The following TRMO variants were observed in gnomAD, a reference collection of about 807,000 sequenced individuals.
TRMO encodes tRNA methyltransferase O, also known as tRNA (adenine(37)-N6)-methyltransferase.
TRMO carries 30 observed loss-of-function variants against 37.2 expected under a neutral mutation model. The ratio of observed to expected loss-of-function variants is 0.81; its 90% CI spans 0.60 to 1.09. The LOEUF (loss-of-function observed/expected upper bound fraction) is 1.09. Among genes scored for constraint, TRMO ranks in the 50% least tolerant of loss-of-function variants. The probability of loss-of-function intolerance (pLI) is 0.00; values close to 1 mark genes in which losing one functional copy is unlikely to be tolerated. For synonymous variants in TRMO, 239 were observed against 199.4 expected (o/e 1.20, Z -1.67); for missense variants, 552 against 549.5 (o/e 1.00, Z -0.05).
At chr9:97,899,134 G>T in the TRMO span, among the ~76,000 whole-genome samples, 1 of 151,924 alleles carries the variant, frequency 6.6e-6, no homozygotes, top group South Asian at 2.1e-4. Flanking sequence ...CACCGCACCC[G>T]GCCTATTTTC....
At chr9:97,908,411 CAAA>C (rs34633871) in intron 4 of TRMO, among the ~76,000 whole-genome samples, 3 of 98,796 alleles carry the variant, frequency 3.0e-5, no homozygotes, top group Non-Finnish European at 4.0e-5. Flanking sequence ...GACTCCGTCT[CAAA>C]AAAAAAAAAA....
chr9:97,910,289 A>C lies in TRMO; in HGVS notation c.737T>G (p.Met246Arg), dbSNP rs1826053655. 1.2e-6 allele frequency: 2 copies of C among 1,614,224 alleles called. No individual in the cohort carries two copies. The highest frequency in any genetic ancestry group is 1.7e-6 in the Non-Finnish European group (2 of 1,180,036). Residue 246 changes from methionine (M) to arginine (R), a missense_variant, in exon 4 of 5, where the codon ATG becomes AGG. By Grantham distance (91) the Met-to-Arg change is moderately conservative. Coordinates refer to ENST00000375119, the MANE Select transcript of TRMO (RefSeq NM_016481.5). The part of the protein sequence containing the change: ...DTARIQQAFP[M>R]HREIAVDFGL... ...AAAATCCACTGCTATCTCCCTGTGCATAGGAAATGCTTGCTGAATTCTGGC... is the reference window on the plus strand; with the variant it reads ...AAAATCCACTGCTATCTCCCTGTGCCTAGGAAATGCTTGCTGAATTCTGGC...
At chr9:97,903,343 A>G (rs1825725658), downstream of TRMO, among the ~76,000 whole-genome samples, 1 of 152,242 alleles carries the variant, frequency 6.6e-6, no homozygotes, top group Admixed American at 6.5e-5. Flanking sequence ...AAAGGCAATT[A>G]CAAATCAGTT....
chr9:97,912,506 A>G (rs1383145131), intron 3 of TRMO: 3 of 154,430 alleles, frequency 1.9e-5, no homozygotes, highest in African/African-American at 7.2e-5. Flanking sequence ...TTTCTGAGAA[A>G]ACTACCTAAG....
At chr9:97,907,943 C>A (rs1825926546) in intron 4 of TRMO, among the ~76,000 whole-genome samples, 1 of 152,120 alleles carries the variant, frequency 6.6e-6, no homozygotes, top group Non-Finnish European at 1.5e-5. Flanking sequence ...GACCTTTGCT[C>A]ATATGTGTCT....
rs1825774025 is a variant in TRMO, at chr9:97,904,566, T to C, written c.*167A>G. The C allele has an allele frequency of 6.9e-7, 1 of 1,455,354 alleles. No homozygotes were observed. The highest frequency in any genetic ancestry group is 2.5e-5 in the Admixed American group (1 of 39,386). 90.2% of individuals were successfully genotyped at this position (1,455,354 alleles called of 1,614,324 possible). Reference sequence around the variant, plus strand: ...CTGTATTTTATATCTCTTTGTTAAGTTTATTAATGTATACGTTTTTCAAAT... The same window carrying C: ...CTGTATTTTATATCTCTTTGTTAAGCTTATTAATGTATACGTTTTTCAAAT... On this transcript the variant is annotated 3_prime_UTR_variant, in exon 5 of 5. Coordinates refer to ENST00000375119, the MANE Select transcript of TRMO (RefSeq NM_016481.5).
intron 3 of TRMO, 59 bp downstream of exon 3, chr9:97,913,342 T>C: frequency 6.2e-7 from 1 of 1,607,144 alleles, no homozygotes; most frequent in Non-Finnish European, 8.5e-7. Flanking sequence ...GAATGCTGTT[T>C]ATTTTATAAG....
chr9:97,910,865 C>T (rs1486422114), intron 3 of TRMO: 1 of 587,186 alleles, frequency 1.7e-6, no homozygotes, highest in Non-Finnish European at 3.1e-6. Flanking sequence ...TCTGGCTCCT[C>T]CAGACAAAAG....
At chr9:97,897,400 G>T in the TRMO span, among the ~76,000 whole-genome samples, 569 of 152,316 alleles carry the variant, frequency 3.7e-3, 2 homozygotes, top group Non-Finnish European at 5.9e-3. Context: ...TCTCTGTCAT[G>T]TCTTCTTCTC....
At chr9:97,905,121 T>C (rs1244659050) in intron 4 of TRMO, 129 bp from the exon 5 acceptor site, 6 of 1,004,628 alleles carry the variant, frequency 6.0e-6, no homozygotes, top group Non-Finnish European at 8.9e-6. Flanking sequence ...GGAAAACTAT[T>C]TGATCATTAC....
Position 97,916,223 on chromosome 9 carries a change from C to T in TRMO, c.192G>A (p.Lys64=). Residue 64 remains lysine (K), a synonymous_variant, in exon 2 of 5, where the codon AAG becomes AAA. Transcript: ENST00000375119. The part of the protein sequence containing the change: ...SYSRACLRIR[K]RIFNNPEHSL... ...AATGTTCAGGATTATTAAAGATCCT[C>T]TTTCTAATCCTCAAACAGGCTCGAG... 6.2e-7 allele frequency: 1 copy of T among 1,613,404 alleles called. No homozygotes were observed. The highest frequency in any genetic ancestry group is 8.5e-7 in the Non-Finnish European group (1 of 1,179,450).
chr9:97,922,279 T>C (rs1826687422), intron 1 of TRMO, 139 bp downstream of exon 1: 1 of 644,832 alleles, frequency 1.6e-6, no homozygotes, highest in Admixed American at 2.7e-5. Flanking sequence ...CCGCAGCACG[T>C]GACCCGTGCC....
rs555924368 is a variant in TRMO at position 97,916,705 on chromosome 9, CT to C, written c.77-368del. 1.5e-3 allele frequency among the ~76,000 whole-genome samples: 186 copies of C among 124,598 alleles called. 1 individual carries two copies. Among genetic ancestry groups the C allele is most frequent in the East Asian group, 7.8e-3 (35 of 4,514 alleles). The allele number at this position is 124,598 out of a possible 152,430, so 81.7% of individuals were successfully genotyped here. ...GCCAGGGCTATGAGCGTATTTCTTT[CT>C]TTTTTTTTTTTTTTTTTGAGATGGA... On this transcript the variant is annotated intron_variant, in intron 1 of 4. Coordinates refer to ENST00000375119, the MANE Select transcript of TRMO (RefSeq NM_016481.5).
downstream of TRMO, among the ~76,000 whole-genome samples, chr9:97,902,232 G>A (rs1368424161): frequency 1.3e-5 from 2 of 152,326 alleles, no homozygotes; most frequent in East Asian, 3.9e-4. Context: ...GCCAGATAGT[G>A]GGAACATTGA....
Position 97,913,494 on chromosome 9 carries a change from G to C in TRMO, c.316C>G (p.Leu106Val), listed in dbSNP as rs1826221914. 1.2e-6 allele frequency: 2 copies of C among 1,614,012 alleles called. No individual in the cohort carries two copies. Among genetic ancestry groups the C allele is most frequent in the Non-Finnish European group, 1.7e-6 (2 of 1,179,954 alleles). ...SCKAKVQPPR[L>V]NGAKTGVFST... ...AAAACTCCAGTCTTTGCACCATTCA[G>C]CCTAGGAGGCTGCACTTTTGCCTTA... Residue 106 changes from leucine to valine, a missense_variant, in exon 3 of 5, where the codon CTG becomes GTG. Transcript: ENST00000375119.
In TRMO at chr9:97,904,824, T is replaced by G. The variant is rs1316523433; in HGVS notation, c.1235A>C (p.Asp412Ala). 6 of 1,614,004 alleles carry G rather than the reference T, an allele frequency of 3.7e-6. No individual in the cohort carries two copies. In the Admixed American group the frequency reaches 5.0e-5, roughly 13 times the overall value. Residue 412 changes from aspartate (D) to alanine (A), a missense_variant, in exon 5 of 5, where the codon GAT becomes GCT. Physicochemically the swap from Asp to Ala is moderately radical, Grantham distance 126. Coordinates refer to ENST00000375119, the MANE Select transcript of TRMO (RefSeq NM_016481.5). ...GATCCTCAGCACCTCTGCAAAGCCA[T>G]CACCAAACCAGCAAGTGACATGCGC... Reference protein sequence around the residue: ...DIAHVTCWFGDGFAEVLRIKP... With the variant: ...DIAHVTCWFGAGFAEVLRIKP...
At position 97,913,420 on chromosome 9, in the gene TRMO, G is replaced by C. The variant is rs1826217523; in HGVS notation, c.390C>G (p.Ala130=). Reference sequence around the variant, plus strand: ...GGTTACCTTCTACCTTTTCCAGCTTGGCCAGGGTCAGTCCTATTGCATTGG... The same window carrying C: ...GGTTACCTTCTACCTTTTCCAGCTTCGCCAGGGTCAGTCCTATTGCATTGG... ...HRPNAIGLTL[A]KLEKVEGGAI... Residue 130 remains alanine (A), a synonymous_variant, in exon 3 of 5, where the codon GCC becomes GCG. Coordinates refer to ENST00000375119, the MANE Select transcript of TRMO (RefSeq NM_016481.5). 6.2e-7 allele frequency: 1 copy of C among 1,613,926 alleles called. No individual in the cohort carries two copies. Among genetic ancestry groups the C allele is most frequent in the East Asian group, 2.2e-5 (1 of 44,854 alleles).
rs1328392068 is a variant in TRMO, at chr9:97,904,556, CTT to C, written c.*175_*176del. 3 of 1,425,830 alleles carry C rather than the reference CTT, an allele frequency of 2.1e-6. No individual in the cohort carries two copies. Among genetic ancestry groups the C allele is most frequent in the South Asian group, 3.3e-5 (2 of 61,208 alleles). 88.3% of individuals were successfully genotyped at this position (1,425,830 alleles called of 1,614,324 possible). On this transcript the variant is annotated 3_prime_UTR_variant, in exon 5 of 5. Transcript: ENST00000375119. ...GGTGATTTCTCTGTATTTTATATCT[CTT>C]TGTTAAGTTTATTAATGTATACGTT... is the stretch of plus-strand genomic sequence containing the variant.
chr9:97,914,303 T>C (rs1181266056), intron 2 of TRMO, among the ~76,000 whole-genome samples: 1 of 152,182 alleles, frequency 6.6e-6, no homozygotes, highest in East Asian at 1.9e-4. Context: ...GCTTCACTAA[T>C]AATTAGAAAT....
Sources: allele counts gnomAD v4.1 joint callset (sites outside exome capture counted in the v4.1 genomes callset), GRCh38; gene constraint gnomAD v4.1.1; transcripts MANE v1.5; gene names NCBI Gene and HGNC (gene_info 2026-07-23, HGNC 2026-07-21).